Variants in KCNT2 observed in about 807,000 individuals in gnomAD.
KCNT2 encodes the protein potassium channel subfamily T member 2.
KCNT2 carries 67 observed loss-of-function variants against 153.8 expected under a neutral mutation model. The ratio of observed to expected loss-of-function variants is 0.44; its 90% CI spans 0.36 to 0.53. The LOEUF (loss-of-function observed/expected upper bound fraction) is 0.53. Among genes scored for constraint, KCNT2 ranks in the 20% least tolerant of loss-of-function variants. The pLI is 0.00. For missense variants in KCNT2, 975 were observed against 1,354.8 expected (o/e 0.72, Z 4.40); for synonymous variants, 500 against 458.8 (o/e 1.09, Z -1.15).
At position 196,384,012 on chromosome 1, in the gene KCNT2, G is replaced by A. The variant is rs186478915; in HGVS notation, c.1295-10764C>T. The stretch of plus-strand genomic sequence containing the variant: ...CTATATTTTATACTTGAAATGTGCT[G>A]AAAGTAGACCTTTAATATTCTAACC... On this transcript the variant is annotated intron_variant, in intron 13 of 27. Transcript: ENST00000294725. Among the ~76,000 whole-genome samples the A allele has an allele frequency of 5.9e-5, 9 of 152,262 alleles. No homozygotes were observed. In the East Asian group the frequency reaches 1.7e-3, roughly 29 times the overall value.
chr1:196,340,565 C>A lies in KCNT2; in HGVS notation c.1559G>T (p.Gly520Val). ...YASFHAHKKFGVCLIGVRRED... is the reference protein window; with the variant it reads ...YASFHAHKKFVVCLIGVRRED... ...CCTCCTAACACCAATCAAGCAGACGCCAAACCTTAATTTAAAAAAAAAGAG... is the reference window on the plus strand; with the variant it reads ...CCTCCTAACACCAATCAAGCAGACGACAAACCTTAATTTAAAAAAAAAGAG... The change falls in exon 16 of 28, where the codon GGC becomes GTC. Residue 520 changes from glycine to valine, a missense_variant. By Grantham distance (109) the Gly-to-Val change is moderately radical (BLOSUM62 -3). Around this residue, in one of 6 missense-constraint regions of KCNT2, gnomAD observed 325 missense variants for 388.1 expected, o/e 0.84. Coordinates refer to ENST00000294725, the MANE Select transcript of KCNT2 (RefSeq NM_198503.5). The A allele has an allele frequency of 1.3e-6, 2 of 1,526,944 alleles. No homozygotes were observed. The highest frequency in any genetic ancestry group is 1.8e-6 in the Non-Finnish European group (2 of 1,137,926). 94.6% of individuals were successfully genotyped at this position (1,526,944 alleles called of 1,614,324 possible).
intron 21 of KCNT2, among the ~76,000 whole-genome samples, chr1:196,312,435 C>T (rs1662278370): frequency 6.6e-6 from 1 of 151,642 alleles, no homozygotes; most frequent in African/African-American, 2.4e-5. Context: ...TAAAACTCAT[C>T]ATGAGAGAAG....
intron 1 of KCNT2, among the ~76,000 whole-genome samples, chr1:196,530,886 C>A (rs1055649654): frequency 3.9e-5 from 6 of 151,988 alleles, no homozygotes; most frequent in South Asian, 4.1e-4. Flanking sequence ...TAACAATAGG[C>A]CATAGTGGGA....
intron 12 of KCNT2, among the ~76,000 whole-genome samples, chr1:196,399,613 A>G (rs146428543): frequency 6.6e-6 from 1 of 151,854 alleles, no homozygotes; most frequent in African/African-American, 2.4e-5. Context: ...ACAGATAGAC[A>G]CGAGGGACTG....
chr1:196,303,993 A>G (rs1012066765), intron 22 of KCNT2, among the ~76,000 whole-genome samples: 3 of 152,164 alleles, frequency 2.0e-5, no homozygotes. Context: ...TCTGTCCTGA[A>G]TATTAATAGC....
At chr1:196,527,285 TAGAACTTATGAGAGCTATTAATA>T (rs1303161545) in intron 1 of KCNT2, among the ~76,000 whole-genome samples, 1 of 152,170 alleles carries the variant, frequency 6.6e-6, no homozygotes, top group Non-Finnish European at 1.5e-5. Flanking sequence ...ATGTACCTCA[TAGAACTTATGAGAGCTATTAATA>T]AGCTTCAGTA....
intron 1 of KCNT2, among the ~76,000 whole-genome samples, chr1:196,504,116 G>A (rs1680921111): frequency 6.6e-6 from 1 of 151,850 alleles, no homozygotes; most frequent in Admixed American, 6.6e-5. Context: ...TAAGTTTTAG[G>A]GTACATGTGC....
At chr1:196,591,159 A>C (rs1488712477) in intron 1 of KCNT2, among the ~76,000 whole-genome samples, 3 of 152,120 alleles carry the variant, frequency 2.0e-5, no homozygotes, top group African/African-American at 4.8e-5. Flanking sequence ...TGCAGTCCTC[A>C]CTGCAATGAG....
At chr1:196,427,277 A>G (rs1240895283) in intron 10 of KCNT2, among the ~76,000 whole-genome samples, 1 of 152,090 alleles carries the variant, frequency 6.6e-6, no homozygotes. Context: ...TCAATTATAA[A>G]TTAGGTGTTT....
chr1:196,572,468 AAG>A (rs1468936280), intron 1 of KCNT2, among the ~76,000 whole-genome samples: 3 of 152,088 alleles, frequency 2.0e-5, no homozygotes, highest in Non-Finnish European at 4.4e-5. Flanking sequence ...CTAGGAGATA[AAG>A]AGAGAGAGAG....
chr1:196,479,125 T>G, intron 5 of KCNT2, 54 bp downstream of exon 5: 1 of 1,128,728 alleles, frequency 8.9e-7, no homozygotes, highest in Non-Finnish European at 1.3e-6. Context: ...GAATACTGAG[T>G]AAATACTACA....
At chr1:196,451,076 T>C (rs1196858980) in intron 8 of KCNT2, among the ~76,000 whole-genome samples, 1 of 151,710 alleles carries the variant, frequency 6.6e-6, no homozygotes, top group Non-Finnish European at 1.5e-5. Context: ...ATGATTATTG[T>C]CATTATCCCT....
At chr1:196,270,853 A>T (rs1410949815) in intron 25 of KCNT2, among the ~76,000 whole-genome samples, 3 of 149,418 alleles carry the variant, frequency 2.0e-5, no homozygotes, top group Admixed American at 1.3e-4. Context: ...GTGTGTGTGC[A>T]TGTATGTGTA....
At chr1:196,535,584 C>G (rs1344984388) in intron 1 of KCNT2, among the ~76,000 whole-genome samples, 1 of 151,910 alleles carries the variant, frequency 6.6e-6, no homozygotes, top group African/African-American at 2.4e-5. Context: ...CTTGGTTTTA[C>G]CAAGGTTATA....
intron 21 of KCNT2, among the ~76,000 whole-genome samples, chr1:196,311,729 T>C (rs1662203979): frequency 6.6e-6 from 1 of 151,738 alleles, no homozygotes; most frequent in Non-Finnish European, 1.5e-5. Context: ...GTCATAGCCC[T>C]GAATCTGCCA....
chr1:196,358,768 G>T (rs1667380945), intron 14 of KCNT2, among the ~76,000 whole-genome samples: 1 of 151,814 alleles, frequency 6.6e-6, no homozygotes, highest in African/African-American at 2.4e-5. Flanking sequence ...CAGTACAACA[G>T]AACAGAAGTT....
At chr1:196,497,007 C>T (rs1356954889) in intron 1 of KCNT2, among the ~76,000 whole-genome samples, 2 of 152,204 alleles carry the variant, frequency 1.3e-5, no homozygotes, top group African/African-American at 2.4e-5. Context: ...TAAGGAACTA[C>T]TGCATTTACA....
chr1:196,476,091 A>G (rs1002508652), intron 5 of KCNT2, among the ~76,000 whole-genome samples: 2 of 152,244 alleles, frequency 1.3e-5, no homozygotes, highest in African/African-American at 4.8e-5. Flanking sequence ...TTTTAAAATT[A>G]GTGCTAAGAG....
chr1:196,424,222 T>C (rs1673454867), intron 11 of KCNT2, among the ~76,000 whole-genome samples: 1 of 151,934 alleles, frequency 6.6e-6, no homozygotes, highest in Non-Finnish European at 1.5e-5. Context: ...ACATTAATCC[T>C]AAATAGTATA....
Sources: gnomAD v4.1 joint callset for allele counts (sites outside exome capture counted in the v4.1 genomes callset) on GRCh38, gnomAD v4.1.1 for gene constraint, gnomAD v4.1.1 regional missense constraint, MANE v1.5 for transcripts, NCBI Gene and HGNC (gene_info 2026-07-23, HGNC 2026-07-21) for gene names.